Variants in SUCO observed in about 807,000 individuals in gnomAD.
The protein encoded by SUCO is SUN domain-containing ossification factor.
In SUCO, 57 loss-of-function variants were observed where a neutral mutation model predicts 148.1. That is an observed-to-expected ratio of 0.38 (90% confidence interval 0.31 to 0.48). The LOEUF is 0.48. SUCO is among the 20% of genes least tolerant of loss of function. The pLI is 0.96. For missense variants in SUCO, 1,331 were observed against 1,468.2 expected, an observed-to-expected ratio of 0.91 and a Z score of 1.53; for synonymous variants, 470 against 502.7, an observed-to-expected ratio of 0.93 and a Z score of 0.87.
intron 7 of SUCO, chr1:172,569,469 T>G (rs1458736216): frequency 2.3e-5 from 23 of 981,626 alleles, no homozygotes; most frequent in Non-Finnish European, 2.7e-5. Flanking sequence ...AGAACTTGCA[T>G]AAAATCCTTG....
chr1:172,573,769 CTCT>C, intron 9 of SUCO, 119 bp from the exon 10 acceptor site: 2 of 592,498 alleles, frequency 3.4e-6, no homozygotes, highest in Non-Finnish European at 5.8e-6. Context: ...ACATACCCTC[CTCT>C]TAACATTTTA....
chr1:172,584,983 T>G (rs976747592), intron 15 of SUCO, 35 bp from the exon 16 acceptor site: 2 of 1,290,948 alleles, frequency 1.5e-6, no homozygotes, highest in African/African-American at 3.0e-5. Flanking sequence ...AATATTTAGG[T>G]ATTTGGTACT....
chr1:172,586,629 A>G (rs1656265097), intron 17 of SUCO, among the ~76,000 whole-genome samples: 1 of 152,182 alleles, frequency 6.6e-6, no homozygotes, highest in East Asian at 1.9e-4. Context: ...ATATTTCATT[A>G]GATACACTCC....
chr1:172,563,861 G>A (rs1370691724), intron 6 of SUCO, among the ~76,000 whole-genome samples: 3 of 152,220 alleles, frequency 2.0e-5, no homozygotes, highest in Admixed American at 1.3e-4. Context: ...ACCTAAGAGG[G>A]AAAAATGGTT....
chr1:172,558,904 G>A (rs1420698090), intron 6 of SUCO, among the ~76,000 whole-genome samples: 1 of 152,160 alleles, frequency 6.6e-6, no homozygotes, highest in Admixed American at 6.5e-5. Context: ...TATTACCTTA[G>A]AGACTTAAAC....
chr1:172,594,923 A>G (rs1437333470), intron 19 of SUCO, among the ~76,000 whole-genome samples: 3 of 151,826 alleles, frequency 2.0e-5, no homozygotes, highest in Non-Finnish European at 4.4e-5. Context: ...CTCATTGTAC[A>G]TTGTAGGTCT....
chr1:172,593,681 A>AT (rs1656845843), intron 19 of SUCO, among the ~76,000 whole-genome samples: 1 of 152,108 alleles, frequency 6.6e-6, no homozygotes. Flanking sequence ...GTTTGCCAGT[A>AT]TTTTATTGAG....
chr1:172,559,985 A>C (rs1447655839), intron 6 of SUCO, among the ~76,000 whole-genome samples: 1 of 139,136 alleles, frequency 7.2e-6, no homozygotes, highest in Non-Finnish European at 1.7e-5. Context: ...TAATCTTAAG[A>C]AGGCTGCACA....
rs188306310 is a variant in SUCO at position 172,572,128 on chromosome 1, G to A, written c.1049+1398G>A. 1.0e-2 allele frequency among the ~76,000 whole-genome samples: 1,311 copies of A among 131,114 alleles called. 54 individuals are homozygous for A. Among genetic ancestry groups the A allele is most frequent in the African/African-American group, 0.035 (1,242 of 35,460 alleles). The allele number at this position is 131,114 out of a possible 152,430, so 86.0% of individuals were successfully genotyped here. ...CCACCCGGTCCGGGAGGTGAGGGGC[G>A]CCTCTGCCCGGCCGCCCCTACTGGG... On this transcript the variant is annotated intron_variant, in intron 9 of 23. Transcript: ENST00000263688.
chr1:172,589,616 G>T lies in SUCO; in HGVS notation c.2515G>T (p.Gly839Trp). The change falls in exon 18 of 24, where the codon GGG (glycine) becomes TGG (tryptophan). Residue 839 changes from glycine to tryptophan, a missense_variant. Coordinates refer to ENST00000263688, the MANE Select transcript of SUCO (RefSeq NM_014283.5). The part of the protein sequence containing the change: ...NTATVPDNED[G>W]EAKMNIADTA... ...AGCCACTGTACCCGACAATGAAGATGGGGAAGCCAAAATGAATATAGCTGA... is the reference window on the plus strand; with the variant it reads ...AGCCACTGTACCCGACAATGAAGATTGGGAAGCCAAAATGAATATAGCTGA... 6.2e-7 allele frequency: 1 copy of T among 1,613,882 alleles called. No homozygotes were observed. Among genetic ancestry groups the T allele is most frequent in the Non-Finnish European group, 8.5e-7 (1 of 1,179,906 alleles).
chr1:172,581,399 C>T (rs1053882493), intron 15 of SUCO, among the ~76,000 whole-genome samples: 3 of 152,202 alleles, frequency 2.0e-5, no homozygotes, highest in East Asian at 1.9e-4. Flanking sequence ...ATGATCTCCA[C>T]CTCCTGAAGT....
intron 3 of SUCO, among the ~76,000 whole-genome samples, chr1:172,555,500 A>G (rs1275053893): frequency 1.3e-5 from 2 of 152,220 alleles, no homozygotes; most frequent in Non-Finnish European, 2.9e-5. Context: ...TAAACTGCTC[A>G]GGGTCAAGAA....
intron 19 of SUCO, among the ~76,000 whole-genome samples, chr1:172,598,052 C>T (rs1178782842): frequency 6.6e-6 from 1 of 152,088 alleles, no homozygotes; most frequent in Admixed American, 6.6e-5. Flanking sequence ...TTTCTAGAAG[C>T]TTAATAGTTT....
At chr1:172,592,205 A>G (rs1317794451) in intron 19 of SUCO, among the ~76,000 whole-genome samples, 4 of 151,820 alleles carry the variant, frequency 2.6e-5, no homozygotes, top group African/African-American at 9.7e-5. Context: ...GATTGCAAAA[A>G]TTTTCTCCCA....
intron 20 of SUCO, among the ~76,000 whole-genome samples, chr1:172,601,431 G>A (rs1216007914): frequency 6.6e-6 from 1 of 151,860 alleles, no homozygotes; most frequent in African/African-American, 2.4e-5. Context: ...CCCAGGAGGT[G>A]GAGGTTGCAA....
At chr1:172,547,595 G>A (rs1652959342) in intron 1 of SUCO, among the ~76,000 whole-genome samples, 1 of 152,090 alleles carries the variant, frequency 6.6e-6, no homozygotes, top group Non-Finnish European at 1.5e-5. Context: ...TATTTAAAAA[G>A]AAAGGGGACT....
Position 172,570,678 on chromosome 1 carries a change from C to T in SUCO, c.997C>T (p.Leu333Phe), listed in dbSNP as rs1259347683. 6.2e-7 allele frequency: 1 copy of T among 1,602,868 alleles called. No homozygotes were observed. The highest frequency in any genetic ancestry group is 8.5e-7 in the Non-Finnish European group (1 of 1,170,790). Residue 333 changes from leucine (L) to phenylalanine (F), a missense_variant, in exon 9 of 24, where the codon CTT becomes TTT. By Grantham distance (22) the Leu-to-Phe change is conservative. This residue lies in a region of SUCO where 992 missense variants were observed against 1,093.5 expected (regional missense o/e 0.91). Coordinates refer to ENST00000263688, the MANE Select transcript of SUCO (RefSeq NM_014283.5). ...NPEAKSTSAI[L>F]IENMDLYMLN... ...TTTAAAATAGAGCACATCTGCTATT[C>T]TTATAGAAAATATGGATCTTTACAT...
Position 172,609,885 on chromosome 1 carries a change from G to C in SUCO, c.3391G>C (p.Ala1131Pro). The C allele has an allele frequency of 6.2e-7, 1 of 1,613,752 alleles. No homozygotes were observed. The highest frequency in any genetic ancestry group is 8.5e-7 in the Non-Finnish European group (1 of 1,179,762). ...GCCTGAAGAACCATTGCACCCCATA[G>C]CCAATGGCGACATAAAAGGAAGAAA... is the stretch of plus-strand genomic sequence containing the variant. The part of the protein sequence containing the change: ...IKPEEPLHPI[A>P]NGDIKGRKPF... The change falls in exon 24 of 24, where the codon GCC becomes CCC. Residue 1131 changes from alanine (A) to proline (P), a missense_variant. Around this residue, in one of 3 missense-constraint regions of SUCO, gnomAD observed 334 missense variants for 352.3 expected, o/e 0.95. Transcript: ENST00000263688.
At chr1:172,603,237 A>AATTAGGTTCC (rs1191998768) in intron 22 of SUCO, 8 of 155,830 alleles carry the variant, frequency 5.1e-5, no homozygotes, top group African/African-American at 1.9e-4. Flanking sequence ...CAGAACCTAT[A>AATTAGGTTCC]ATTAGGTTCC....
Sources: allele counts gnomAD v4.1 joint callset (sites outside exome capture counted in the v4.1 genomes callset), GRCh38; gene constraint gnomAD v4.1.1; regional missense constraint gnomAD v4.1.1; transcripts MANE v1.5; gene names NCBI Gene and HGNC (gene_info 2026-07-23, HGNC 2026-07-21).